The following MIPOL1 variants were observed in gnomAD, a reference collection of about 807,000 sequenced individuals.
MIPOL1 encodes the protein mirror-image polydactyly 1.
In MIPOL1, 57 loss-of-function variants were observed where a neutral mutation model predicts 60.9. The ratio of observed to expected loss-of-function variants is 0.94; its 90% CI spans 0.76 to 1.17. The LOEUF (loss-of-function observed/expected upper bound fraction) is 1.17. Ranked by LOEUF, MIPOL1 falls within the 50% of genes most tolerant of loss-of-function variation. The probability of loss-of-function intolerance (pLI) is 0.00; values close to 1 mark genes in which losing one functional copy is unlikely to be tolerated. For missense variants in MIPOL1, 551 were observed against 511.6 expected, an observed-to-expected ratio of 1.08 and a Z score of -0.74; for synonymous variants, 179 against 168.8, an observed-to-expected ratio of 1.06 and a Z score of -0.47.
intron 1 of MIPOL1, among the ~76,000 whole-genome samples, chr14:37,215,227 G>A (rs1204667366): frequency 2.6e-5 from 4 of 152,064 alleles, no homozygotes; most frequent in African/African-American, 9.7e-5. Flanking sequence ...TATCATTGGA[G>A]ATGGCTCACA....
At chr14:37,200,901 T>TG (rs551548144) in intron 1 of MIPOL1, among the ~76,000 whole-genome samples, 24 of 48,784 alleles carry the variant, frequency 4.9e-4, no homozygotes, top group Non-Finnish European at 7.1e-4. Context: ...TGTGTGTGTA[T>TG]TTTTTTTTTT....
At chr14:37,535,476 A>G (rs1744576684) in intron 12 of MIPOL1, among the ~76,000 whole-genome samples, 1 of 152,200 alleles carries the variant, frequency 6.6e-6, no homozygotes, top group African/African-American at 2.4e-5. Context: ...TGACCCAGGA[A>G]TTGTGAGATC....
intron 6 of MIPOL1, among the ~76,000 whole-genome samples, chr14:37,283,999 GA>G (rs2084341869): frequency 6.6e-6 from 1 of 152,036 alleles, no homozygotes; most frequent in African/African-American, 2.4e-5. Context: ...TTACAGGTGT[GA>G]GCCACCATGC....
At chr14:37,255,984 T>A (rs1974854501) in intron 3 of MIPOL1, among the ~76,000 whole-genome samples, 1 of 151,770 alleles carries the variant, frequency 6.6e-6, no homozygotes, top group Non-Finnish European at 1.5e-5. Context: ...GAAACAATGT[T>A]TTTGCTACTC....
intron 10 of MIPOL1, among the ~76,000 whole-genome samples, chr14:37,384,134 C>T (rs1165282015): frequency 6.6e-6 from 1 of 151,858 alleles, no homozygotes; most frequent in Non-Finnish European, 1.5e-5. Flanking sequence ...AATTGTCAAA[C>T]TTAATTCTAA....
intron 6 of MIPOL1, chr14:37,276,895 A>G (rs996413847): frequency 2.2e-4 from 34 of 151,240 alleles, no homozygotes; most frequent in Admixed American, 2.6e-4. Context: ...TTGATAGACT[A>G]TTGATTATAT....
At chr14:37,207,148 C>T (rs967337977) in intron 1 of MIPOL1, among the ~76,000 whole-genome samples, 6 of 152,134 alleles carry the variant, frequency 3.9e-5, no homozygotes, top group Non-Finnish European at 7.3e-5. Context: ...TTGTAGCTCC[C>T]GTAATTCCCT....
chr14:37,391,705 A>G (rs932694436), intron 10 of MIPOL1, among the ~76,000 whole-genome samples: 3 of 152,128 alleles, frequency 2.0e-5, no homozygotes, highest in African/African-American at 7.2e-5. Flanking sequence ...CTTATTCAAA[A>G]TTAATAATAA....
intron 9 of MIPOL1, among the ~76,000 whole-genome samples, chr14:37,330,710 A>ATT (rs11472946): frequency 0.27 from 37,485 of 138,392 alleles, 5,334 homozygotes; most frequent in South Asian, 0.39. Flanking sequence ...TGTCCTCTTC[A>ATT]TTTTTTTTTT....
At chr14:37,269,913 C>T (rs1956519) in intron 5 of MIPOL1, among the ~76,000 whole-genome samples, 13,328 of 152,018 alleles carry the variant, frequency 0.088, 1,961 homozygotes, top group African/African-American at 0.3. Flanking sequence ...CTGCAATCTC[C>T]GCCTCCTGGG....
chr14:37,502,124 C>T (rs921826192), intron 12 of MIPOL1: 3 of 152,312 alleles, frequency 2.0e-5, no homozygotes, highest in Admixed American at 6.5e-5. Flanking sequence ...CACCGCAGCT[C>T]AGCAAGGCCT....
intron 7 of MIPOL1, among the ~76,000 whole-genome samples, chr14:37,307,714 C>G (rs1183186989): frequency 6.6e-6 from 1 of 151,948 alleles, no homozygotes. Flanking sequence ...AATACAGTTT[C>G]TGATAAAAAT....
At chr14:37,234,955 T>C (rs939748700) in intron 1 of MIPOL1, among the ~76,000 whole-genome samples, 4 of 148,996 alleles carry the variant, frequency 2.7e-5, no homozygotes, top group Non-Finnish European at 6.0e-5. Context: ...TTTTTTTTTT[T>C]TTTTTTTTTG....
intron 12 of MIPOL1, chr14:37,507,502 G>A (rs928551288): frequency 6.6e-6 from 1 of 152,186 alleles, no homozygotes; most frequent in African/African-American, 2.4e-5. Context: ...ACTATCACAA[G>A]GACAGAAAAC....
At chr14:37,347,939 G>T (rs1196775433) in intron 9 of MIPOL1, among the ~76,000 whole-genome samples, 4 of 152,058 alleles carry the variant, frequency 2.6e-5, no homozygotes, top group Non-Finnish European at 1.5e-5. Context: ...GATTCATGGG[G>T]TACATGTGCA....
At chr14:37,448,812 C>T (rs949118142) in intron 11 of MIPOL1, among the ~76,000 whole-genome samples, 6 of 152,138 alleles carry the variant, frequency 3.9e-5, no homozygotes, top group Non-Finnish European at 5.9e-5. Context: ...TCTCAAATTT[C>T]GAAATCAGTA....
intron 11 of MIPOL1, among the ~76,000 whole-genome samples, chr14:37,496,206 C>A (rs1419561080): frequency 2.1e-5 from 3 of 145,446 alleles, no homozygotes; most frequent in Non-Finnish European, 3.0e-5. Context: ...ACTGAATGGG[C>A]AAAAACTGGA....
intron 11 of MIPOL1, among the ~76,000 whole-genome samples, chr14:37,488,719 A>T (rs887561607): frequency 6.6e-6 from 1 of 152,148 alleles, no homozygotes; most frequent in Non-Finnish European, 1.5e-5. Context: ...CTGGATATGA[A>T]ATTCTGGGTT....
intron 12 of MIPOL1, among the ~76,000 whole-genome samples, chr14:37,511,013 A>G (rs2095323885): frequency 6.6e-6 from 1 of 152,158 alleles, no homozygotes; most frequent in Non-Finnish European, 1.5e-5. Flanking sequence ...AAGACCTGAA[A>G]TCTTTGGTAA....
Sources: allele counts gnomAD v4.1 joint callset (sites outside exome capture counted in the v4.1 genomes callset), GRCh38; gene constraint gnomAD v4.1.1; transcripts MANE v1.5; gene names NCBI Gene and HGNC (gene_info 2026-07-23, HGNC 2026-07-21).